Variants in LIN7A observed in about 807,000 individuals in gnomAD.
LIN7A encodes protein lin-7 homolog A.
Under a neutral mutation model 29.8 loss-of-function variants are expected in LIN7A, and 25 were observed. The observed-to-expected ratio is 0.84, with a 90% confidence interval of 0.61 to 1.17. LIN7A has a LOEUF of 1.17. Among genes scored for constraint, LIN7A ranks in the 50% most tolerant of loss-of-function variants. The pLI is 0.00. For missense variants in LIN7A, 239 were observed against 287.0 expected (o/e 0.83, Z 1.21); for synonymous variants, 118 against 107.5 (o/e 1.10, Z -0.60).
At chr12:80,927,476 T>C (rs1001654768) in intron 1 of LIN7A, among the ~76,000 whole-genome samples, 1 of 152,200 alleles carries the variant, frequency 6.6e-6, no homozygotes, top group Non-Finnish European at 1.5e-5. Flanking sequence ...AAGGTTGAAC[T>C]ATCCTACTTT....
intron 1 of LIN7A, among the ~76,000 whole-genome samples, chr12:80,925,319 G>C (rs969287188): frequency 6.6e-6 from 1 of 152,184 alleles, no homozygotes; most frequent in Non-Finnish European, 1.5e-5. Context: ...TGAGTATACA[G>C]GGCAATTTTT....
chr12:80,905,102 A>G (rs556420448), intron 1 of LIN7A, among the ~76,000 whole-genome samples: 1 of 152,108 alleles, frequency 6.6e-6, no homozygotes. Context: ...ATCTAGTGAC[A>G]TCTCATATAG....
At chr12:80,898,117 A>T (rs1163663) in intron 1 of LIN7A, among the ~76,000 whole-genome samples, 4 of 151,946 alleles carry the variant, frequency 2.6e-5, no homozygotes, top group South Asian at 2.1e-4. Flanking sequence ...TTTATATCTA[A>T]GTATTTAGTC....
chr12:80,808,020 C>T (rs1027665968), intron 5 of LIN7A, among the ~76,000 whole-genome samples: 1 of 152,174 alleles, frequency 6.6e-6, no homozygotes, highest in Admixed American at 6.5e-5. Context: ...CCCTCAGTGG[C>T]TCACAAAGCT....
chr12:80,890,429 T>C (rs1197549664), intron 1 of LIN7A, among the ~76,000 whole-genome samples: 1 of 152,186 alleles, frequency 6.6e-6, no homozygotes, highest in East Asian at 1.9e-4. Context: ...TTTGAGTTTC[T>C]GTTATTAATG....
Position 80,848,341 on chromosome 12 carries a change from A to T in LIN7A, c.202-19T>A. On this transcript the variant is annotated intron_variant, in intron 2 of 5. Transcript: ENST00000552864. The stretch of plus-strand genomic sequence containing the variant: ...GATACACCTAAAATGTTCACATAAA[A>T]AGAAGAATGTGTAAGAACATGAAGA... 6.6e-7 allele frequency: 1 copy of T among 1,505,362 alleles called. No individual in the cohort carries two copies. Among genetic ancestry groups the T allele is most frequent in the Non-Finnish European group, 9.2e-7 (1 of 1,081,542 alleles). The allele number at this position is 1,505,362 out of a possible 1,614,324, so 93.3% of individuals were successfully genotyped here. A position where few individuals can be genotyped will look rare whatever the true frequency, so the allele number is the denominator to read the frequency against.
Position 80,807,467 on chromosome 12 carries a change from A to T in LIN7A, c.*3998T>A, listed in dbSNP as rs1203571337. Among the ~76,000 whole-genome samples the T allele has an allele frequency of 2.0e-5, 3 of 150,152 alleles. No homozygotes were observed. The East Asian group carries it at 5.8e-4, about 29-fold the overall frequency. On this transcript the variant is annotated intron_variant, in intron 5 of 5. Transcript: ENST00000552864. Reference sequence around the variant, plus strand: ...CTGGCCAAGTCGTATACTTTTAAAGATGATTGAATGAGCATAATATTGGAA... The same window carrying T: ...CTGGCCAAGTCGTATACTTTTAAAGTTGATTGAATGAGCATAATATTGGAA...
At chr12:80,931,657 ATG>A (rs1877916184) in intron 1 of LIN7A, among the ~76,000 whole-genome samples, 2 of 147,034 alleles carry the variant, frequency 1.4e-5, no homozygotes, top group Admixed American at 6.8e-5. Context: ...AAAAAAAAAA[ATG>A]GAAAACTCCT....
chr12:80,881,561 C>A (rs1592921168), intron 2 of LIN7A, among the ~76,000 whole-genome samples: 3 of 151,594 alleles, frequency 2.0e-5, no homozygotes, highest in African/African-American at 2.4e-5. Flanking sequence ...ACATTAAATA[C>A]ATTAAAAAAA....
At chr12:80,903,566 A>T (rs563087143) in intron 1 of LIN7A, among the ~76,000 whole-genome samples, 48 of 152,218 alleles carry the variant, frequency 3.2e-4, no homozygotes, top group Admixed American at 2.7e-3. Context: ...TGCATGGTGT[A>T]TATATACCCC....
At position 80,833,283 on chromosome 12, in the gene LIN7A, T is replaced by A. The variant is rs145760901; in HGVS notation, c.483+12447A>T. On this transcript the variant is annotated intron_variant, in intron 4 of 5. Transcript: ENST00000552864. ...GTGTCAACAAGAGGCAAGATCCTTG[T>A]CAGAAACCCAAGAGTTCTTGGTAAC... Among the ~76,000 whole-genome samples the A allele has an allele frequency of 2.4e-3, 370 of 152,340 alleles. 2 individuals are homozygous for A. The highest frequency in any genetic ancestry group is 8.4e-3 in the African/African-American group (351 of 41,584).
chr12:80,811,538 T>C lies in LIN7A; in HGVS notation c.629A>G (p.Gln210Arg), dbSNP rs1463335423. 1.2e-6 allele frequency: 2 copies of C among 1,613,192 alleles called. No individual in the cohort carries two copies. The highest frequency in any genetic ancestry group is 1.1e-5 in the South Asian group (1 of 91,002). Residue 210 changes from glutamine to arginine, a missense_variant, in exon 5 of 6, where the codon CAG becomes CGG. Transcript: ENST00000552864. ...FEKLRTARRR[Q>R]QQQLLIQQQQ... ...CTGCTGAATTAGCAATTGCTGCTGC[T>C]GCCGACGCCTGGCTGTTCGTAGCTT...
chr12:80,825,051 C>T (rs1183247999), intron 4 of LIN7A, among the ~76,000 whole-genome samples: 1 of 152,162 alleles, frequency 6.6e-6, no homozygotes, highest in Admixed American at 6.6e-5. Context: ...CCAAATCAGT[C>T]AAGAGGAGCT....
intron 5 of LIN7A, among the ~76,000 whole-genome samples, chr12:80,810,182 CT>C (rs1871217601): frequency 6.6e-6 from 1 of 152,138 alleles, no homozygotes; most frequent in African/African-American, 2.4e-5. Flanking sequence ...GTCTACCCTC[CT>C]CCCCCAGCCT....
intron 4 of LIN7A, among the ~76,000 whole-genome samples, chr12:80,837,422 T>C (rs906748590): frequency 1.4e-4 from 21 of 151,870 alleles, no homozygotes; most frequent in Non-Finnish European, 2.1e-4. Flanking sequence ...GGTGGGAGAT[T>C]TGGCGCAGAG....
At chr12:80,847,857 A>C (rs1343230272) in intron 3 of LIN7A, among the ~76,000 whole-genome samples, 2 of 152,186 alleles carry the variant, frequency 1.3e-5, no homozygotes, top group Non-Finnish European at 1.5e-5. Context: ...TGTCAGGTGA[A>C]TTCTTTTCCT....
intron 2 of LIN7A, among the ~76,000 whole-genome samples, chr12:80,878,233 G>T (rs1874819833): frequency 6.6e-6 from 1 of 152,244 alleles, no homozygotes; most frequent in Non-Finnish European, 1.5e-5. Flanking sequence ...TGTACTTGCT[G>T]CCAGAAAGTG....
chr12:80,896,961 A>G (rs537427142), intron 1 of LIN7A, among the ~76,000 whole-genome samples: 34 of 152,370 alleles, frequency 2.2e-4, no homozygotes, highest in Non-Finnish European at 4.0e-4. Context: ...CTTTAGGTAT[A>G]CAAAGCTTAA....
At chr12:80,806,363 A>G (rs1230391844) in intron 5 of LIN7A, among the ~76,000 whole-genome samples, 2 of 152,180 alleles carry the variant, frequency 1.3e-5, no homozygotes, top group African/African-American at 4.8e-5. Flanking sequence ...ATATTATCAA[A>G]TATAGAAGTT....
Sources: allele counts gnomAD v4.1 joint callset (sites outside exome capture counted in the v4.1 genomes callset), GRCh38; gene constraint gnomAD v4.1.1; transcripts MANE v1.5; gene names NCBI Gene and HGNC (gene_info 2026-07-23, HGNC 2026-07-21).